INTS1: variants seen among roughly 807,000 people sequenced by gnomAD.
INTS1 encodes the protein integrator complex subunit 1.
INTS1 carries 137 observed loss-of-function variants against 241.6 expected under a neutral mutation model. That is an observed-to-expected ratio of 0.57 (90% CI 0.49 to 0.65). INTS1 has a LOEUF of 0.65. Among genes scored for constraint, INTS1 ranks in the 30% least tolerant of loss-of-function variants. The probability of loss-of-function intolerance (pLI) is 0.00; values close to 1 mark genes in which losing one functional copy is unlikely to be tolerated. For missense variants in INTS1, 3,073 were observed against 3,032.2 expected (o/e 1.01, Z -0.32); for synonymous variants, 1,692 against 1,337.8 (o/e 1.26, Z -5.78).
rs775994189 is a variant in INTS1 at position 1,485,356 on chromosome 7, C to T, written c.3090G>A (p.Leu1030=). Residue 1030 remains leucine (L), a synonymous_variant, in exon 23 of 48, where the codon CTG becomes CTA. Coordinates refer to ENST00000404767, the MANE Select transcript of INTS1 (RefSeq NM_001080453.3). ...TDVLQGYQWL[L]RDLPRLPLFD... is the part of the protein sequence containing the mutation. ...ACAGAGGCAGGCGAGGCAGGTCCCGCAGCAGCCACTGATAGCCCTGCAGCA... is the reference window on the plus strand; with the variant it reads ...ACAGAGGCAGGCGAGGCAGGTCCCGTAGCAGCCACTGATAGCCCTGCAGCA... 2.5e-6 allele frequency: 4 copies of T among 1,612,124 alleles called. No individual in the cohort carries two copies. The highest frequency in any genetic ancestry group is 3.4e-6 in the Non-Finnish European group (4 of 1,179,796).
intron 33 of INTS1, 146 bp from the exon 34 acceptor site, chr7:1,478,082 AGCCGGGGCCGGAGAGGAGAGTGCG>A (rs1041831640): frequency 1.6e-5 from 12 of 743,760 alleles, no homozygotes; most frequent in African/African-American, 7.0e-5. Flanking sequence ...AGGAGAGTGC[AGCCGGGGCCGGAGAGGAGAGTGCG>A]GCCGGGGCTG....
chr7:1,475,856 G>A (rs1454446478), intron 39 of INTS1, 92 bp downstream of exon 39: 30 of 1,438,566 alleles, frequency 2.1e-5, no homozygotes, highest in East Asian at 1.3e-4. Flanking sequence ...GGTAGCCGGC[G>A]ATGGCCATGT....
chr7:1,489,976 TACATG>T (rs1782468343), intron 16 of INTS1, among the ~76,000 whole-genome samples: 1 of 152,188 alleles, frequency 6.6e-6, no homozygotes, highest in African/African-American at 2.4e-5. Context: ...TTTTGTACTC[TACATG>T]ACATAACAGA....
Position 1,483,995 on chromosome 7 carries a change from G to T in INTS1, c.3429+8C>A, listed in dbSNP as rs760890275. 6.2e-7 allele frequency: 1 copy of T among 1,603,756 alleles called. No individual in the cohort carries two copies. Among genetic ancestry groups the T allele is most frequent in the African/African-American group, 1.3e-5 (1 of 74,788 alleles). On this transcript the variant is annotated splice_region_variant and intron_variant, in intron 25 of 47. Transcript: ENST00000404767. ...CCCTCACCCGGCCGTAGACCTCCTCGCCCTCACCCAGCTGTAGACCTCCTC... is the reference window on the plus strand; with the variant it reads ...CCCTCACCCGGCCGTAGACCTCCTCTCCCTCACCCAGCTGTAGACCTCCTC...
rs758053978 is a variant in INTS1 at position 1,487,029 on chromosome 7, C to T, written c.2719G>A (p.Val907Met). Reference protein sequence around the residue: ...SSEGSLDVLPVQCLCEFLLHD... With the variant: ...SSEGSLDVLPMQCLCEFLLHD... ...AGCAGGAACTCGCACAGACACTGCA[C>T]GGGCAGCACGTCCAGGGAGCCCTCG... Residue 907 changes from valine to methionine, a missense_variant, in exon 21 of 48, where the codon GTG becomes ATG. Coordinates refer to ENST00000404767, the MANE Select transcript of INTS1 (RefSeq NM_001080453.3). The T allele has an allele frequency of 8.8e-6, 14 of 1,594,074 alleles. No homozygotes were observed. Among genetic ancestry groups the T allele is most frequent in the South Asian group, 2.2e-5 (2 of 88,960 alleles).
In INTS1 at chr7:1,475,928, C is replaced by T. The variant is rs4720792; in HGVS notation, c.5502+20G>A. The T allele has an allele frequency of 0.048, 73,509 of 1,527,414 alleles. 2,751 individuals carry two copies. The highest frequency in any genetic ancestry group is 0.21 in the Admixed American group (10,430 of 50,730). The allele number at this position is 1,527,414 out of a possible 1,614,324, so 94.6% of individuals were successfully genotyped here. On this transcript the variant is annotated intron_variant, in intron 39 of 47. Coordinates refer to ENST00000404767, the MANE Select transcript of INTS1 (RefSeq NM_001080453.3). ...GGGCACCTGGGACGGCGGCGGGGAG[C>T]GGCAGAGTTGCGCCCTCACCTTGCA...
At chr7:1,489,877 C>A (rs577372555) in intron 16 of INTS1, among the ~76,000 whole-genome samples, 195 bp from the exon 17 acceptor site, 1 of 151,920 alleles carries the variant, frequency 6.6e-6, no homozygotes, top group African/African-American at 2.4e-5. Flanking sequence ...GACTCCGGCT[C>A]TGTCCTTACC....
At chr7:1,474,937 G>A (rs1354044396) in intron 39 of INTS1, 99 bp from the exon 40 acceptor site, 2 of 1,453,512 alleles carry the variant, frequency 1.4e-6, no homozygotes, top group African/African-American at 1.4e-5. Flanking sequence ...TCCACCGCGT[G>A]GCACGCCATG....
At chr7:1,482,417 T>A (rs936460505) in intron 27 of INTS1, 129 bp downstream of exon 27, 24 of 861,708 alleles carry the variant, frequency 2.8e-5, no homozygotes, top group Non-Finnish European at 4.2e-5. Flanking sequence ...GTCTGCAGGA[T>A]CCCCTGAGGC....
In INTS1 at chr7:1,470,934, G is replaced by A. The variant is rs757898200; in HGVS notation, c.6369C>T (p.Pro2123=). 10 of 1,574,428 alleles carry A rather than the reference G, an allele frequency of 6.4e-6. No homozygotes were observed. The highest frequency in any genetic ancestry group is 4.7e-5 in the East Asian group (2 of 42,374). The change falls in exon 47 of 48, where the codon CCC becomes CCT. Residue 2123 remains proline, a synonymous_variant. Transcript: ENST00000404767. Reference sequence around the variant, plus strand: ...GGCTGCCCAGGCAGTACATGAACGTGGGCAGGAAAGCGGCTGCAATGCTGA... The same window carrying A: ...GGCTGCCCAGGCAGTACATGAACGTAGGCAGGAAAGCGGCTGCAATGCTGA... ...NSPSIAAAFL[P]TFMYCLGSQD...
chr7:1,504,104 G>A (rs981431608), intron 1 of INTS1, 103 bp from the exon 2 acceptor site: 8 of 627,416 alleles, frequency 1.3e-5, no homozygotes, highest in African/African-American at 2.0e-5. Context: ...CCCGGGGACA[G>A]TGGTCCCGCG....
rs569424926 is a variant in INTS1 at position 1,476,074 on chromosome 7, G to A, written c.5379-3C>T. 120 of 1,540,650 alleles carry A rather than the reference G, an allele frequency of 7.8e-5. 2 individuals carry two copies. In the South Asian group the frequency reaches 1.4e-3, roughly 17 times the overall value. On this transcript the variant is annotated splice_region_variant and splice_polypyrimidine_tract_variant and intron_variant, in intron 38 of 47. Coordinates refer to ENST00000404767, the MANE Select transcript of INTS1 (RefSeq NM_001080453.3). The stretch of plus-strand genomic sequence containing the variant: ...CTCGGCAGCGCCTGCCCAGCACGCT[G>A]GAAGAGGTGGAGCAGGGCTCACCAG...
At chr7:1,478,228 G>C in intron 33 of INTS1, 138 bp downstream of exon 33, 9 of 987,908 alleles carry the variant, frequency 9.1e-6, no homozygotes, top group Non-Finnish European at 1.4e-5. Context: ...AGCCATCTGG[G>C]AGGGGACCTC....
At chr7:1,498,943 G>GGGGCCCCCCCCCCCCCCCCCC in intron 8 of INTS1, 32 bp downstream of exon 8, 2 of 1,070,744 alleles carry the variant, frequency 1.9e-6, no homozygotes, top group Non-Finnish European at 2.5e-6. Context: ...CCCACCCCCT[G>GGGGCCCCCCCCCCCCCCCCCC]CCCCGCCCAC....
rs1285371390 is a variant in INTS1, at chr7:1,476,424, T to C, written c.5183A>G (p.Gln1728Arg). ...KRREELVLRVQGPELISLVEL... is the reference protein window; with the variant it reads ...KRREELVLRVRGPELISLVEL... ...CACCAGGCTGATGAGCTCCGGGCCC[T>C]GGACCCGCAGCACCAGCTCCTCCCG... Residue 1728 changes from glutamine to arginine, a missense_variant, in exon 38 of 48, where the codon CAG (glutamine) becomes CGG (arginine). Physicochemically the swap from Gln to Arg is conservative, Grantham distance 43. Transcript: ENST00000404767. 1 of 1,569,920 alleles carries C rather than the reference T, an allele frequency of 6.4e-7. No homozygotes were observed. The highest frequency in any genetic ancestry group is 1.1e-5 in the South Asian group (1 of 87,302).
At chr7:1,483,333 G>C (rs1782086315) in intron 26 of INTS1, 1 of 334,834 alleles carries the variant, frequency 3.0e-6, no homozygotes, top group Non-Finnish European at 5.8e-6. Context: ...AGCGTCCTCA[G>C]GGTCACTCGC....
intron 13 of INTS1, 147 bp downstream of exon 13, chr7:1,495,286 C>T: frequency 1.0e-6 from 1 of 1,002,444 alleles, no homozygotes; most frequent in Non-Finnish European, 1.4e-6. Flanking sequence ...CCTGGCTTGT[C>T]CCGGCTTAGT....
At chr7:1,501,847 C>A (rs10256386) in intron 3 of INTS1, among the ~76,000 whole-genome samples, 79,208 of 151,978 alleles carry the variant, frequency 0.52, 21,960 homozygotes, top group African/African-American at 0.72. Context: ...AGCCTCAGCT[C>A]TCATGAGCGT....
intron 31 of INTS1, among the ~76,000 whole-genome samples, 171 bp from the exon 32 acceptor site, chr7:1,479,056 G>T (rs1350855552): frequency 6.6e-6 from 1 of 152,212 alleles, no homozygotes; most frequent in Non-Finnish European, 1.5e-5. Context: ...CCCTGCACGG[G>T]CCCAGACGAC....
Sources: gnomAD v4.1 joint callset for allele counts (sites outside exome capture counted in the v4.1 genomes callset) on GRCh38, gnomAD v4.1.1 for gene constraint, MANE v1.5 for transcripts, NCBI Gene and HGNC (gene_info 2026-07-23, HGNC 2026-07-21) for gene names.